Variants in LPCAT1 observed in about 807,000 individuals in gnomAD.
LPCAT1 encodes the protein 1-acylglycerol-3-phosphate O-acyltransferase.
In LPCAT1, 23 loss-of-function variants were observed where a neutral mutation model predicts 60.9. The ratio of observed to expected loss-of-function variants is 0.38; its 90% CI spans 0.27 to 0.53. The LOEUF is 0.53. LPCAT1 is among the 20% of genes least tolerant of loss of function. LPCAT1 has a pLI of 0.82. For synonymous variants in LPCAT1, 340 were observed against 301.1 expected (o/e 1.13, Z -1.34); for missense variants, 622 against 723.6 (o/e 0.86, Z 1.61).
chr5:1,503,951 G>A (rs1260840147), intron 1 of LPCAT1, among the ~76,000 whole-genome samples: 2 of 152,112 alleles, frequency 1.3e-5, no homozygotes, highest in African/African-American at 2.4e-5. Flanking sequence ...CTAAACCTAC[G>A]TTGCCAGATA....
chr5:1,489,695 G>A (rs1401861268), intron 4 of LPCAT1, 51 bp downstream of exon 4: 14 of 1,340,736 alleles, frequency 1.0e-5, no homozygotes, highest in African/African-American at 2.9e-5. Context: ...CGCGAAGTTC[G>A]CATCTTTCGG....
At position 1,468,735 on chromosome 5, in the gene LPCAT1, G is replaced by A. The variant is rs188057952; in HGVS notation, c.1279-1845C>T. Among the ~76,000 whole-genome samples the A allele has an allele frequency of 1.3e-4, 20 of 152,362 alleles. No homozygotes were observed. In the East Asian group the frequency reaches 3.9e-3, roughly 29 times the overall value. On this transcript the variant is annotated intron_variant, in intron 12 of 13. Coordinates refer to ENST00000283415, the MANE Select transcript of LPCAT1 (RefSeq NM_024830.5). ...CCCAAGGCGTATGAAGCACATCGGT[G>A]CGCTGCGCATCCGGAGTCCTGAGCA...
intron 4 of LPCAT1, 56 bp from the exon 5 acceptor site, chr5:1,488,507 G>C: frequency 3.4e-6 from 4 of 1,185,292 alleles, no homozygotes; most frequent in African/African-American, 3.1e-5. Context: ...TTATAATTCA[G>C]AACTTACAGA....
At chr5:1,475,360 C>T (rs939375358) in intron 9 of LPCAT1, among the ~76,000 whole-genome samples, 2 of 152,138 alleles carry the variant, frequency 1.3e-5, no homozygotes, top group Non-Finnish European at 2.9e-5. Flanking sequence ...GGCCCCGCCA[C>T]GTGTGACTCC....
At chr5:1,513,835 C>T (rs1736426501) in intron 1 of LPCAT1, among the ~76,000 whole-genome samples, 1 of 143,664 alleles carries the variant, frequency 7.0e-6, no homozygotes, top group Admixed American at 7.0e-5. Context: ...GCGGGACACC[C>T]TGCGATTACA....
rs1253559991 is a variant in LPCAT1 at position 1,523,585 on chromosome 5, C to A, written c.135+125G>T. 1.6e-6 allele frequency: 1 copy of A among 621,188 alleles called. No individual in the cohort carries two copies. The highest frequency in any genetic ancestry group is 1.3e-4 in the East Asian group (1 of 7,768). 38.5% of individuals were successfully genotyped at this position (621,188 alleles called of 1,614,324 possible). ...GGGCGGCCGCGGGGAGGGAAGGCGC[C>A]GCGGCTCGCAGGGCCGCGCCGCGCC... On this transcript the variant is annotated intron_variant, in intron 1 of 13. Transcript: ENST00000283415. The surrounding 1 kb of genome is among the most constrained non-coding windows in gnomAD (Gnocchi z 7.1).
At chr5:1,515,740 C>T (rs530072690) in intron 1 of LPCAT1, among the ~76,000 whole-genome samples, 28 of 152,034 alleles carry the variant, frequency 1.8e-4, no homozygotes, top group Non-Finnish European at 3.2e-4. Flanking sequence ...TACAGGGGGC[C>T]CCCCGGAACA....
chr5:1,507,483 C>T (rs929024055), intron 1 of LPCAT1, among the ~76,000 whole-genome samples: 1 of 152,254 alleles, frequency 6.6e-6, no homozygotes, highest in African/African-American at 2.4e-5. Context: ...AGCTTTGGTG[C>T]GGACTGCGGC....
chr5:1,463,942 A>G, intron 13 of LPCAT1, 107 bp from the exon 14 acceptor site: 4 of 1,137,276 alleles, frequency 3.5e-6, no homozygotes, highest in South Asian at 3.0e-5. Context: ...CACGCCCTCC[A>G]GGGAGGGTTA....
chr5:1,496,313 A>G lies in LPCAT1; in HGVS notation c.279-1399T>C, dbSNP rs1209789335. Among the ~76,000 whole-genome samples, 2 of 151,984 alleles carry G rather than the reference A, an allele frequency of 1.3e-5. No individual in the cohort carries two copies. Among genetic ancestry groups the G allele is most frequent in the Non-Finnish European group, 2.9e-5 (2 of 67,978 alleles). On this transcript the variant is annotated intron_variant, in intron 2 of 13. Transcript: ENST00000283415. This position sits in a 1 kb window ranked among gnomAD's most constrained non-coding sequence, Gnocchi z 4.7. ...GGGGCGGAGGTTGCAGTGAGCCGAGATTGCGCCACTGCACTCCAGCCTGGG... is the reference window on the plus strand; with the variant it reads ...GGGGCGGAGGTTGCAGTGAGCCGAGGTTGCGCCACTGCACTCCAGCCTGGG...
At chr5:1,515,506 T>G (rs374756082) in intron 1 of LPCAT1, among the ~76,000 whole-genome samples, 6 of 114,636 alleles carry the variant, frequency 5.2e-5, no homozygotes, top group African/African-American at 2.1e-4. Context: ...GCCTGCCCTG[T>G]ACACCCTGCC....
At chr5:1,486,911 C>T (rs912068781) in intron 5 of LPCAT1, among the ~76,000 whole-genome samples, 7 of 152,206 alleles carry the variant, frequency 4.6e-5, no homozygotes, top group Non-Finnish European at 8.8e-5. Flanking sequence ...TGGGGCACAG[C>T]GAGCGCCCTT....
chr5:1,506,804 C>T (rs184379889), intron 1 of LPCAT1, among the ~76,000 whole-genome samples: 5 of 152,358 alleles, frequency 3.3e-5, no homozygotes, highest in South Asian at 2.1e-4. Context: ...TTCCTCCCCA[C>T]GGCAGCTTTG....
At chr5:1,470,552 GAC>G (rs777525647) in intron 12 of LPCAT1, among the ~76,000 whole-genome samples, 33 of 152,318 alleles carry the variant, frequency 2.2e-4, no homozygotes, top group Admixed American at 1.0e-3. Context: ...GATGGTGTGT[GAC>G]ACCACCAGCC....
chr5:1,484,061 G>A (rs576240724), intron 5 of LPCAT1, among the ~76,000 whole-genome samples: 64 of 152,318 alleles, frequency 4.2e-4, no homozygotes, highest in Admixed American at 7.2e-4. Flanking sequence ...CCCACCCGCC[G>A]CCCTCACCTG....
chr5:1,469,684 C>T (rs1450497782), intron 12 of LPCAT1, among the ~76,000 whole-genome samples: 3 of 151,900 alleles, frequency 2.0e-5, no homozygotes, highest in African/African-American at 2.4e-5. Context: ...GGCTGAGGCA[C>T]GAGAATCACT....
At position 1,521,632 on chromosome 5, in the gene LPCAT1, A is replaced by C. The variant is rs921957521; in HGVS notation, c.135+2078T>G. 6.6e-6 allele frequency among the ~76,000 whole-genome samples: 1 copy of C among 152,252 alleles called. No homozygotes were observed. Among genetic ancestry groups the C allele is most frequent in the African/African-American group, 2.4e-5 (1 of 41,462 alleles). ...ATCCAGCAGAAACGACTGGATGTAC[A>C]AACACACCTAATTCCTCAGATGGAA... On this transcript the variant is annotated intron_variant, in intron 1 of 13. Transcript: ENST00000283415. This position sits in a 1 kb window ranked among gnomAD's most constrained non-coding sequence, Gnocchi z 4.3.
In LPCAT1 at chr5:1,474,591, A is replaced by T; in HGVS notation, c.994T>A (p.Leu332Ile). 1 of 1,614,038 alleles carries T rather than the reference A, an allele frequency of 6.2e-7. No individual in the cohort carries two copies. The highest frequency in any genetic ancestry group is 8.5e-7 in the Non-Finnish European group (1 of 1,180,012). Residue 332 changes from leucine (L) to isoleucine (I), a missense_variant, in exon 10 of 14, where the codon TTA becomes ATA. By Grantham distance (5) the Leu-to-Ile change is conservative. Around this residue, in one of 3 missense-constraint regions of LPCAT1, gnomAD observed 288 missense variants for 283.6 expected, o/e 1.02. Coordinates refer to ENST00000283415, the MANE Select transcript of LPCAT1 (RefSeq NM_024830.5). The stretch of plus-strand genomic sequence containing the variant: ...CCCCGCACGAGCCTGGCAAATTCTA[A>T]AAGGCAAGTGTCAGCGGGGAGACGG... Reference protein sequence around the residue: ...QLRLPADTCLLEFARLVRGLG... With the variant: ...QLRLPADTCLIEFARLVRGLG...
intron 1 of LPCAT1, among the ~76,000 whole-genome samples, chr5:1,512,978 T>C (rs1480764882): frequency 6.6e-6 from 1 of 152,124 alleles, no homozygotes; most frequent in Non-Finnish European, 1.5e-5. Context: ...CATCCTGGTG[T>C]GGGCCTGCGG....
Sources: gnomAD v4.1 joint callset for allele counts (sites outside exome capture counted in the v4.1 genomes callset) on GRCh38, gnomAD v4.1.1 for gene constraint, gnomAD v4.1.1 regional missense constraint, Gnocchi (gnomAD v3.1) non-coding constraint, MANE v1.5 for transcripts, NCBI Gene and HGNC (gene_info 2026-07-23, HGNC 2026-07-21) for gene names.